The following ZMYM4 variants were observed in gnomAD, a reference collection of about 807,000 sequenced individuals.
The protein encoded by ZMYM4 is zinc finger MYM-type containing 4.
A neutral mutation model predicts 183.2 loss-of-function variants in ZMYM4; 31 were observed. The ratio of observed to expected loss-of-function variants is 0.17; its 90% CI spans 0.13 to 0.23. The LOEUF (loss-of-function observed/expected upper bound fraction) is 0.23, where lower values mean the gene tolerates loss of function less well. Ranked by LOEUF, ZMYM4 falls within the 10% of genes least tolerant of loss-of-function variation. The pLI, the probability that ZMYM4 is intolerant of heterozygous loss-of-function variation, is 1.00. For missense variants in ZMYM4, 1,273 were observed against 1,840.3 expected (o/e 0.69, Z 5.64); for synonymous variants, 592 against 631.2 (o/e 0.94, Z 0.93).
intron 27 of ZMYM4, 76 bp from the exon 28 acceptor site, chr1:35,415,390 C>G: frequency 6.4e-7 from 1 of 1,567,664 alleles, no homozygotes; most frequent in Admixed American, 1.8e-5. Context: ...ATCTCCCTGT[C>G]TTAGAATTTG....
intron 18 of ZMYM4, among the ~76,000 whole-genome samples, chr1:35,396,004 G>A (rs1036823936): frequency 2.0e-5 from 3 of 151,800 alleles, no homozygotes; most frequent in Non-Finnish European, 4.4e-5. Flanking sequence ...ATTCTTTTTT[G>A]TAGGTATCAT....
intron 16 of ZMYM4, 30 bp from the exon 17 acceptor site, chr1:35,392,617 T>A: frequency 6.4e-7 from 1 of 1,569,584 alleles, no homozygotes. Context: ...ATTGTAAAGA[T>A]CCTAAATTTA....
At chr1:35,391,692 T>G (rs1330724228) in intron 15 of ZMYM4, among the ~76,000 whole-genome samples, 2 of 152,248 alleles carry the variant, frequency 1.3e-5, no homozygotes, top group Admixed American at 6.5e-5. Flanking sequence ...TTAGACTATT[T>G]GTTGCCTTTT....
intron 7 of ZMYM4, among the ~76,000 whole-genome samples, chr1:35,373,628 C>G (rs181278203): frequency 1.3e-5 from 2 of 150,550 alleles, no homozygotes; most frequent in African/African-American, 2.4e-5. Context: ...CTCCTGACCT[C>G]CTGATCCACC....
chr1:35,389,206 C>T lies in ZMYM4; in HGVS notation c.2436+124C>T. 8.7e-6 allele frequency: 8 copies of T among 924,364 alleles called. No individual in the cohort carries two copies. Among genetic ancestry groups the T allele is most frequent in the Non-Finnish European group, 1.2e-5 (8 of 647,940 alleles). The allele number at this position is 924,364 out of a possible 1,614,324, so 57.3% of individuals were successfully genotyped here. A position where few individuals can be genotyped will look rare whatever the true frequency, so the allele number is the denominator to read the frequency against. On this transcript the variant is annotated intron_variant, in intron 14 of 29. Coordinates refer to ENST00000314607, the MANE Select transcript of ZMYM4 (RefSeq NM_005095.3). The surrounding 1 kb of genome is among the most constrained non-coding windows in gnomAD (Gnocchi z 4.0). The stretch of plus-strand genomic sequence containing the variant: ...CTTTTAAGTATTAAATGTTTTATGC[C>T]TTCTAGCAATTAATATAAGATTTAG...
At chr1:35,317,802 T>C (rs1327096825) in intron 1 of ZMYM4, among the ~76,000 whole-genome samples, 2 of 152,214 alleles carry the variant, frequency 1.3e-5, no homozygotes, top group African/African-American at 2.4e-5. Flanking sequence ...ATCATTAACT[T>C]ATGCAATGAA....
intron 1 of ZMYM4, among the ~76,000 whole-genome samples, chr1:35,304,226 A>G (rs1328831370): frequency 6.6e-6 from 1 of 152,040 alleles, no homozygotes; most frequent in Non-Finnish European, 1.5e-5. Context: ...GGGTTTCACT[A>G]TGTTGGCCAG....
chr1:35,311,935 G>C (rs998975818), intron 1 of ZMYM4, among the ~76,000 whole-genome samples: 1 of 151,746 alleles, frequency 6.6e-6, no homozygotes, highest in East Asian at 1.9e-4. Flanking sequence ...TGTCACCCAG[G>C]CTGGAGTGCA....
At chr1:35,324,679 C>T (rs1642429495) in intron 1 of ZMYM4, among the ~76,000 whole-genome samples, 1 of 152,148 alleles carries the variant, frequency 6.6e-6, no homozygotes, top group Non-Finnish European at 1.5e-5. Context: ...TATCAAGAAG[C>T]AGCATTTCTT....
In ZMYM4 at chr1:35,361,172, GTT is replaced by G; in HGVS notation, c.608-13_608-12del. On this transcript the variant is annotated intron_variant, in intron 3 of 29. Coordinates refer to ENST00000314607, the MANE Select transcript of ZMYM4 (RefSeq NM_005095.3). ...GTTATTCATATACATGTGTTTGTTT[GTT>G]TTTTTTTTCCTTTCAATAGCTAATC... 2.9e-6 allele frequency: 4 copies of G among 1,395,608 alleles called. No homozygotes were observed. The highest frequency in any genetic ancestry group is 1.5e-5 in the African/African-American group (1 of 66,684). The allele number at this position is 1,395,608 out of a possible 1,614,324, so 86.5% of individuals were successfully genotyped here.
At chr1:35,342,482 A>G (rs1643237840) in intron 2 of ZMYM4, among the ~76,000 whole-genome samples, 1 of 151,828 alleles carries the variant, frequency 6.6e-6, no homozygotes, top group Non-Finnish European at 1.5e-5. Context: ...TGTCTTTTGA[A>G]CTGTAAGCGT....
intron 2 of ZMYM4, among the ~76,000 whole-genome samples, chr1:35,335,613 A>G (rs922535082): frequency 5.3e-5 from 8 of 152,278 alleles, no homozygotes; most frequent in African/African-American, 1.7e-4. Context: ...CCAATGCATG[A>G]TAATTCATTA....
intron 1 of ZMYM4, among the ~76,000 whole-genome samples, chr1:35,289,916 A>G (rs1640677956): frequency 6.6e-6 from 1 of 152,032 alleles, no homozygotes; most frequent in East Asian, 1.9e-4. Flanking sequence ...ATAAATTATG[A>G]CAATATATCA....
chr1:35,394,118 G>A (rs547623563), intron 18 of ZMYM4, among the ~76,000 whole-genome samples: 1 of 128,666 alleles, frequency 7.8e-6, no homozygotes, highest in South Asian at 2.6e-4. Flanking sequence ...ACTCCACACT[G>A]TTTCAAATGA....
rs775141870 is a variant in ZMYM4 at position 35,352,279 on chromosome 1, A to G, written c.86-6646A>G. 9.4e-3 allele frequency among the ~76,000 whole-genome samples: 1,252 copies of G among 132,878 alleles called. 34 individuals carry two copies. The highest frequency in any genetic ancestry group is 0.03 in the African/African-American group (890 of 29,938). 87.2% of individuals were successfully genotyped at this position (132,878 alleles called of 152,430 possible). ...CGCGCACGCGCGCGCGCACACACAC[A>G]CACACACACACACACACACACACAC... On this transcript the variant is annotated intron_variant, in intron 2 of 29. Transcript: ENST00000314607.
rs144934580 is a variant in ZMYM4, at chr1:35,298,696, G to A, written c.40-26664G>A. Among the ~76,000 whole-genome samples the A allele has an allele frequency of 1.8e-3, 268 of 152,258 alleles. 1 individual carries two copies. Among genetic ancestry groups the A allele is most frequent in the Middle Eastern group, 6.8e-3 (2 of 294 alleles). On this transcript the variant is annotated intron_variant, in intron 1 of 29. Transcript: ENST00000314607. The stretch of plus-strand genomic sequence containing the variant: ...GAGAACAGTGTTAACAGGAAGAGAA[G>A]CCCCTTCCTTCTAGAGTATTCCTCC...
Position 35,268,932 on chromosome 1 carries a change from G to A in ZMYM4, c.-115G>A, listed in dbSNP as rs1639442583. On this transcript the variant is annotated 5_prime_UTR_variant, in exon 1 of 30. Transcript: ENST00000314607. Reference sequence around the variant, plus strand: ...CACTCTCGGCGCAAGGCCCGGCCGGGTCCGGGGAAGCTGCCGCGAGGCGGC... The same window carrying A: ...CACTCTCGGCGCAAGGCCCGGCCGGATCCGGGGAAGCTGCCGCGAGGCGGC... 1 of 1,229,356 alleles carries A rather than the reference G, an allele frequency of 8.1e-7. No homozygotes were observed. The highest frequency in any genetic ancestry group is 1.0e-6 in the Non-Finnish European group (1 of 959,224). The allele number at this position is 1,229,356 out of a possible 1,614,324, so 76.2% of individuals were successfully genotyped here.
chr1:35,273,886 G>A lies in ZMYM4; in HGVS notation c.39+4801G>A, dbSNP rs571002918. ...TCATGGTATAATGCTAAGTGAAAAT[G>A]TAGACTATAAAATGTTATCTATTAA... On this transcript the variant is annotated intron_variant, in intron 1 of 29. Transcript: ENST00000314607. Among the ~76,000 whole-genome samples the A allele has an allele frequency of 2.6e-5, 4 of 152,260 alleles. No individual in the cohort carries two copies. The South Asian group carries it at 8.3e-4, about 32-fold the overall frequency.
intron 1 of ZMYM4, among the ~76,000 whole-genome samples, chr1:35,315,307 A>G (rs1208543918): frequency 1.3e-5 from 2 of 152,196 alleles, no homozygotes; most frequent in Non-Finnish European, 2.9e-5. Flanking sequence ...AAAGTAATTC[A>G]GTTGCTTTAT....
Sources: allele counts gnomAD v4.1 joint callset (sites outside exome capture counted in the v4.1 genomes callset), GRCh38; gene constraint gnomAD v4.1.1; non-coding constraint Gnocchi (gnomAD v3.1); transcripts MANE v1.5; gene names NCBI Gene and HGNC (gene_info 2026-07-23, HGNC 2026-07-21).